Variants in COL4A2 observed in about 807,000 individuals in gnomAD.
The protein encoded by COL4A2 is collagen type IV alpha 2 chain.
In COL4A2, 99 loss-of-function variants were observed where a neutral mutation model predicts 200.2. The observed-to-expected ratio is 0.49, with a 90% CI of 0.42 to 0.58. The LOEUF is 0.58. Among genes scored for constraint, COL4A2 ranks in the 20% least tolerant of loss-of-function variants. The pLI is 0.00. For synonymous variants in COL4A2, 897 were observed against 900.6 expected (o/e 1.00, Z 0.07); for missense variants, 1,950 against 2,314.1 (o/e 0.84, Z 3.23).
intron 4 of COL4A2, among the ~76,000 whole-genome samples, chr13:110,384,317 C>T (rs574485765): frequency 3.9e-5 from 6 of 152,274 alleles, no homozygotes; most frequent in South Asian, 4.1e-4. Context: ...AAGGGAATTT[C>T]GACACCTTAT....
At chr13:110,505,755 A>G (rs1048808221) in intron 45 of COL4A2, among the ~76,000 whole-genome samples, 1 of 152,182 alleles carries the variant, frequency 6.6e-6, no homozygotes, top group Admixed American at 6.5e-5. Context: ...CGCAGTCAGC[A>G]TGGCCTGCGA....
At chr13:110,503,561 G>A (rs1016526656) in intron 43 of COL4A2, 80 bp downstream of exon 43, 112 of 862,596 alleles carry the variant, frequency 1.3e-4, no homozygotes, top group Non-Finnish European at 1.7e-4. Context: ...GAGGTCAAAC[G>A]GCCAGGATCC....
chr13:110,383,574 G>A (rs998713480), intron 4 of COL4A2, among the ~76,000 whole-genome samples: 33 of 146,476 alleles, frequency 2.3e-4, no homozygotes, highest in African/African-American at 7.6e-4. Flanking sequence ...ACAGGAGGAT[G>A]CAATCAGTGG....
chr13:110,403,391 G>T (rs921935746), intron 4 of COL4A2, among the ~76,000 whole-genome samples: 2 of 152,122 alleles, frequency 1.3e-5, no homozygotes, highest in Non-Finnish European at 2.9e-5. Flanking sequence ...CTATTTTATG[G>T]CTCAGAAGTC....
intron 4 of COL4A2, among the ~76,000 whole-genome samples, chr13:110,375,374 TTC>T (rs1878192353): frequency 6.6e-6 from 1 of 152,218 alleles, no homozygotes; most frequent in Non-Finnish European, 1.5e-5. Flanking sequence ...CTACCACGTT[TTC>T]TCTTTCTGTG....
chr13:110,441,270 G>GCTT (rs1881114641), intron 16 of COL4A2, among the ~76,000 whole-genome samples: 1 of 152,174 alleles, frequency 6.6e-6, no homozygotes, highest in African/African-American at 2.4e-5. Flanking sequence ...CGGCAGGCCT[G>GCTT]GTGGGGGTTC....
intron 4 of COL4A2, among the ~76,000 whole-genome samples, chr13:110,403,198 A>G (rs1182131992): frequency 6.6e-6 from 1 of 152,152 alleles, no homozygotes; most frequent in Non-Finnish European, 1.5e-5. Flanking sequence ...TCTGCTGAAC[A>G]TGTTTTCTAC....
At chr13:110,441,545 G>A (rs1168722423) in intron 16 of COL4A2, among the ~76,000 whole-genome samples, 2 of 152,132 alleles carry the variant, frequency 1.3e-5, no homozygotes, top group Non-Finnish European at 2.9e-5. Context: ...ACTGATCGGA[G>A]TACTCCCAAA....
chr13:110,308,497 G>C (rs1884872257), intron 3 of COL4A2, among the ~76,000 whole-genome samples: 1 of 152,152 alleles, frequency 6.6e-6, no homozygotes, highest in African/African-American at 2.4e-5. Flanking sequence ...AGTTTTCCTG[G>C]AACTCGGGAG....
At chr13:110,328,842 A>G (rs1594149051) in intron 3 of COL4A2, among the ~76,000 whole-genome samples, 1 of 152,220 alleles carries the variant, frequency 6.6e-6, no homozygotes, top group East Asian at 1.9e-4. Context: ...TGATAAACTC[A>G]TGCTGTCATC....
intron 20 of COL4A2, among the ~76,000 whole-genome samples, chr13:110,454,284 G>C (rs1437541297): frequency 6.6e-6 from 1 of 152,164 alleles, no homozygotes; most frequent in Non-Finnish European, 1.5e-5. Flanking sequence ...TAGAGAAAAG[G>C]AGAGCAGCAG....
chr13:110,315,906 G>T (rs563118750), intron 3 of COL4A2, among the ~76,000 whole-genome samples: 1 of 152,324 alleles, frequency 6.6e-6, no homozygotes, highest in East Asian at 1.9e-4. Context: ...TCCTTTGGAT[G>T]AGGAGTACAG....
At chr13:110,441,850 G>A (rs1384483209) in intron 16 of COL4A2, among the ~76,000 whole-genome samples, 1 of 151,718 alleles carries the variant, frequency 6.6e-6, no homozygotes, top group East Asian at 1.9e-4. Flanking sequence ...GGAGGCCAAG[G>A]TGAGTGGATC....
intron 3 of COL4A2, among the ~76,000 whole-genome samples, chr13:110,327,693 G>A (rs981908628): frequency 3.3e-5 from 5 of 152,196 alleles, no homozygotes; most frequent in Non-Finnish European, 7.3e-5. Flanking sequence ...GTGGGTGTCA[G>A]TGAAGCATTA....
intron 11 of COL4A2, among the ~76,000 whole-genome samples, chr13:110,432,830 G>C (rs1348798843): frequency 6.6e-6 from 1 of 152,182 alleles, no homozygotes; most frequent in Non-Finnish European, 1.5e-5. Context: ...ATCAAGTTAG[G>C]CTAGAGCCCA....
intron 20 of COL4A2, among the ~76,000 whole-genome samples, chr13:110,454,251 C>T (rs1026183552): frequency 6.6e-6 from 1 of 152,152 alleles, no homozygotes; most frequent in Non-Finnish European, 1.5e-5. Context: ...TTCTATAGGA[C>T]TTATTTAAAA....
At chr13:110,504,065 T>A in intron 44 of COL4A2, 72 bp downstream of exon 44, 1 of 1,564,410 alleles carries the variant, frequency 6.4e-7, no homozygotes, top group Non-Finnish European at 8.8e-7. Context: ...TGGCATTGCG[T>A]CCTCTTGTGT....
chr13:110,484,978 G>C lies in COL4A2; in HGVS notation c.2976G>C (p.Glu992Asp). ...ILPGMKDIKG[E>D]KGDEGPMGLK... Reference sequence around the variant, plus strand: ...CAGGAATGAAAGACATTAAAGGAGAGAAAGGAGATGAAGGGCCTATGGGGC... The same window carrying C: ...CAGGAATGAAAGACATTAAAGGAGACAAAGGAGATGAAGGGCCTATGGGGC... The change falls in exon 33 of 48, where the codon GAG (glutamate) becomes GAC (aspartate). Residue 992 changes from glutamate (E) to aspartate (D), a missense_variant. By Grantham distance (45) the Glu-to-Asp change is conservative. Transcript: ENST00000360467. 2 of 1,613,032 alleles carry C rather than the reference G, an allele frequency of 1.2e-6. No homozygotes were observed. The highest frequency in any genetic ancestry group is 1.7e-6 in the Non-Finnish European group (2 of 1,179,154).
intron 39 of COL4A2, among the ~76,000 whole-genome samples, chr13:110,493,821 G>T (rs1566566116): frequency 6.6e-6 from 1 of 151,800 alleles, no homozygotes; most frequent in African/African-American, 2.4e-5. Context: ...TCGGGTTCTG[G>T]GGGGGGCCGC....
Sources: allele counts gnomAD v4.1 joint callset (sites outside exome capture counted in the v4.1 genomes callset), GRCh38; gene constraint gnomAD v4.1.1; transcripts MANE v1.5; gene names NCBI Gene and HGNC (gene_info 2026-07-23, HGNC 2026-07-21).